The following JAKMIP2 variants were observed in gnomAD, a reference collection of about 807,000 sequenced individuals.
JAKMIP2 encodes janus kinase and microtubule-interacting protein 2.
In JAKMIP2, 25 loss-of-function variants were observed where a neutral mutation model predicts 115.0. That is an observed-to-expected ratio of 0.22 (90% CI 0.16 to 0.30). The LOEUF is 0.30. Ranked by LOEUF, JAKMIP2 falls within the 10% of genes least tolerant of loss-of-function variation. The pLI, the probability that JAKMIP2 is intolerant of heterozygous loss-of-function variation, is 1.00. For synonymous variants in JAKMIP2, 334 were observed against 343.6 expected, an observed-to-expected ratio of 0.97 and a Z score of 0.31; for missense variants, 642 against 957.6, an observed-to-expected ratio of 0.67 and a Z score of 4.35.
intron 1 of JAKMIP2, among the ~76,000 whole-genome samples, chr5:147,690,539 TTATATATATA>T (rs58086292): frequency 0.072 from 6,652 of 91,872 alleles, 247 homozygotes; most frequent in East Asian, 0.12. Context: ...ACTAAAGAGA[TTATATATATA>T]TATATATATA....
intron 2 of JAKMIP2, among the ~76,000 whole-genome samples, chr5:147,662,189 CAAAA>C (rs904227988): frequency 6.6e-6 from 1 of 151,018 alleles, no homozygotes; most frequent in Admixed American, 6.6e-5. Context: ...CACACACAAA[CAAAA>C]AACCACCACC....
chr5:147,698,674 T>C (rs183292296), intron 1 of JAKMIP2, among the ~76,000 whole-genome samples: 1 of 152,318 alleles, frequency 6.6e-6, no homozygotes, highest in East Asian at 1.9e-4. Flanking sequence ...TTCTCTCTCC[T>C]GCTGCCTTGT....
chr5:147,636,351 C>T (rs896661345), intron 11 of JAKMIP2, 67 bp from the exon 12 acceptor site: 3 of 1,350,334 alleles, frequency 2.2e-6, no homozygotes, highest in Non-Finnish European at 1.1e-6. Flanking sequence ...TGTTGTCAAA[C>T]CACTTTGCCA....
At chr5:147,682,031 CT>C (rs1760309148) in intron 1 of JAKMIP2, among the ~76,000 whole-genome samples, 1 of 135,548 alleles carries the variant, frequency 7.4e-6, no homozygotes, top group Non-Finnish European at 1.5e-5. Flanking sequence ...CAGAATGAAA[CT>C]CTGTTTCAAA....
chr5:147,639,515 T>A, intron 10 of JAKMIP2, 117 bp downstream of exon 10: 1 of 1,192,420 alleles, frequency 8.4e-7, no homozygotes, highest in Non-Finnish European at 1.2e-6. Context: ...ATTCAAAAGC[T>A]GCAGAGGAGA....
chr5:147,674,991 C>T (rs1472324175), intron 1 of JAKMIP2, among the ~76,000 whole-genome samples: 2 of 152,196 alleles, frequency 1.3e-5, no homozygotes, highest in East Asian at 1.9e-4. Context: ...CATGGAGTCA[C>T]TGATGGAATC....
At chr5:147,627,719 G>T (rs1581316193) in intron 16 of JAKMIP2, among the ~76,000 whole-genome samples, 1 of 130,456 alleles carries the variant, frequency 7.7e-6, no homozygotes, top group Admixed American at 8.2e-5. Context: ...CAAGGTTATT[G>T]GTACACTTTA....
At chr5:147,686,008 G>T (rs1166258094) in intron 1 of JAKMIP2, among the ~76,000 whole-genome samples, 2 of 152,194 alleles carry the variant, frequency 1.3e-5, no homozygotes, top group Non-Finnish European at 2.9e-5. Flanking sequence ...TAGACAACCA[G>T]CTGAAGCTAG....
chr5:147,733,112 T>A (rs980226765), intron 1 of JAKMIP2, among the ~76,000 whole-genome samples: 6 of 152,210 alleles, frequency 3.9e-5, no homozygotes, highest in African/African-American at 1.4e-4. Flanking sequence ...ATCAATCGTT[T>A]CATCCTCATT....
chr5:147,752,933 G>C (rs959373909), intron 1 of JAKMIP2, among the ~76,000 whole-genome samples: 1 of 152,140 alleles, frequency 6.6e-6, no homozygotes, highest in Non-Finnish European at 1.5e-5. Context: ...GACTGCTGGA[G>C]AATGTTCAGT....
At chr5:147,639,301 G>A (rs1425234782) in intron 10 of JAKMIP2, among the ~76,000 whole-genome samples, 1 of 152,096 alleles carries the variant, frequency 6.6e-6, no homozygotes, top group Non-Finnish European at 1.5e-5. Flanking sequence ...TATTGCTTTT[G>A]AAAGATAAAA....
intron 1 of JAKMIP2, among the ~76,000 whole-genome samples, chr5:147,683,176 T>C (rs1760386087): frequency 6.6e-6 from 1 of 152,136 alleles, no homozygotes; most frequent in Non-Finnish European, 1.5e-5. Flanking sequence ...GTAATTGCTG[T>C]ATATGTGCAC....
At chr5:147,612,228 A>C in intron 20 of JAKMIP2, 78 bp downstream of exon 20, 1 of 975,474 alleles carries the variant, frequency 1.0e-6, no homozygotes, top group Non-Finnish European at 1.6e-6. Context: ...AGAAGCCAGG[A>C]AGAAAATACA....
At position 147,657,352 on chromosome 5, in the gene JAKMIP2, G is replaced by C. The variant is rs539996105; in HGVS notation, c.627+3596C>G. ...GCCCCTACTCTCTTCTGGCTTGTAG[G>C]GTTTCTGTTGAGAGATCCGCTGGTA... On this transcript the variant is annotated intron_variant, in intron 3 of 21. Transcript: ENST00000616793. Among the ~76,000 whole-genome samples, 21 of 152,288 alleles carry C rather than the reference G, an allele frequency of 1.4e-4. No individual in the cohort carries two copies. In the East Asian group the frequency reaches 4.1e-3, roughly 29 times the overall value.
chr5:147,662,039 CTTTTCT>C (rs1561522460), intron 2 of JAKMIP2: 9 of 149,356 alleles, frequency 6.0e-5, no homozygotes, highest in Admixed American at 6.7e-5. Flanking sequence ...TCCCTCTTTT[CTTTTCT>C]TTTTTTTTTT....
At chr5:147,600,710 CCT>C (rs952917014) in intron 21 of JAKMIP2, among the ~76,000 whole-genome samples, 2 of 151,966 alleles carry the variant, frequency 1.3e-5, no homozygotes, top group African/African-American at 4.8e-5. Context: ...TCTCTCCCAC[CCT>C]CTCTCTATCT....
Position 147,589,370 on chromosome 5 carries a change from C to T in JAKMIP2, c.*2337G>A, listed in dbSNP as rs542040748. 1 of 151,112 alleles carries T rather than the reference C, an allele frequency of 6.6e-6. No individual in the cohort carries two copies. The highest frequency in any genetic ancestry group is 2.1e-4 in the South Asian group (1 of 4,776). 9.4% of individuals were successfully genotyped at this position (151,112 alleles called of 1,614,324 possible). On this transcript the variant is annotated 3_prime_UTR_variant, in exon 22 of 22. Coordinates refer to ENST00000616793, the MANE Select transcript of JAKMIP2 (RefSeq NM_001270941.2). ...GTTGAGGCAGGAGAATCACTTGAAT[C>T]CAGGAGGTGGAGCTTGCCATGAGCC... is the stretch of plus-strand genomic sequence containing the variant.
intron 1 of JAKMIP2, among the ~76,000 whole-genome samples, chr5:147,688,375 C>T (rs561554644): frequency 1.3e-4 from 20 of 152,120 alleles, no homozygotes; most frequent in South Asian, 4.2e-4. Context: ...CCTGCAAAAC[C>T]GTATGCACAA....
intron 1 of JAKMIP2, among the ~76,000 whole-genome samples, chr5:147,764,468 A>G (rs1389291057): frequency 6.6e-6 from 1 of 150,814 alleles, no homozygotes; most frequent in African/African-American, 2.4e-5. Context: ...CAAATTGTGC[A>G]AAGAGGATAT....
Sources: gnomAD v4.1 joint callset for allele counts (sites outside exome capture counted in the v4.1 genomes callset) on GRCh38, gnomAD v4.1.1 for gene constraint, MANE v1.5 for transcripts, NCBI Gene and HGNC (gene_info 2026-07-23, HGNC 2026-07-21) for gene names.